The following PUM2 variants were observed in gnomAD, a reference collection of about 807,000 sequenced individuals.
PUM2 encodes the protein pumilio RNA binding family member 2, also known as pumilio homolog 2.
In PUM2, 57 loss-of-function variants were observed where a neutral mutation model predicts 124.5. The observed-to-expected ratio is 0.46, with a 90% CI of 0.37 to 0.57. PUM2 has a LOEUF of 0.57. Among genes scored for constraint, PUM2 ranks in the 20% least tolerant of loss-of-function variants. The pLI, the probability that PUM2 is intolerant of heterozygous loss-of-function variation, is 0.00. For synonymous variants in PUM2, 460 were observed against 446.1 expected (o/e 1.03, Z -0.39); for missense variants, 1,065 against 1,290.6 (o/e 0.83, Z 2.68).
At chr2:20,338,900 T>C (rs776377826) in intron 1 of PUM2, among the ~76,000 whole-genome samples, 2 of 152,232 alleles carry the variant, frequency 1.3e-5, no homozygotes, top group Non-Finnish European at 2.9e-5. Context: ...ATTTTTACAT[T>C]ACATTTTATA....
intron 1 of PUM2, among the ~76,000 whole-genome samples, chr2:20,344,663 G>A (rs1008015950): frequency 9.2e-5 from 14 of 152,032 alleles, no homozygotes; most frequent in African/African-American, 1.2e-4. Flanking sequence ...CACCCATCTC[G>A]GGACTAAATT....
At chr2:20,315,192 T>C (rs1174222842) in intron 3 of PUM2, among the ~76,000 whole-genome samples, 1 of 151,772 alleles carries the variant, frequency 6.6e-6, no homozygotes, top group Admixed American at 6.6e-5. Flanking sequence ...GAAGTGATAT[T>C]TCAGCTGATA....
In PUM2 at chr2:20,350,828, G is replaced by A. The variant is rs1257173189; in HGVS notation, c.-250C>T. The A allele has an allele frequency of 4.1e-6, 4 of 974,846 alleles. No homozygotes were observed. The highest frequency in any genetic ancestry group is 4.8e-5 in the South Asian group (1 of 20,836). 60.4% of individuals were successfully genotyped at this position (974,846 alleles called of 1,614,324 possible). On this transcript the variant is annotated 5_prime_UTR_variant, in exon 1 of 21. Transcript: ENST00000361078. Reference sequence around the variant, plus strand: ...GACTCACAACAACATGGCTGCCACCGCCGCCTGCCCTCCCCTCCCCCCCGC... The same window carrying A: ...GACTCACAACAACATGGCTGCCACCACCGCCTGCCCTCCCCTCCCCCCCGC...
chr2:20,283,780 G>GA lies in PUM2; in HGVS notation c.1292-295dup, dbSNP rs951381516. Among the ~76,000 whole-genome samples the GA allele has an allele frequency of 9.2e-4, 137 of 148,702 alleles. 1 individual carries two copies. Among genetic ancestry groups the GA allele is most frequent in the African/African-American group, 2.2e-3 (91 of 40,602 alleles). ...GGCTATGAAGGAAGGGCTGATATTAGAAAAAAAAAATCACCATTTAGCCCT... is the reference window on the plus strand; with the variant it reads ...GGCTATGAAGGAAGGGCTGATATTAGAAAAAAAAAAATCACCATTTAGCCCT... On this transcript the variant is annotated intron_variant, in intron 10 of 20. Coordinates refer to ENST00000361078, the MANE Select transcript of PUM2 (RefSeq NM_015317.5).
intron 8 of PUM2, 141 bp from the exon 9 acceptor site, chr2:20,294,659 T>G (rs563965689): frequency 1.0e-6 from 1 of 1,003,270 alleles, no homozygotes; most frequent in Non-Finnish European, 1.4e-6. Context: ...AGACAAAGTA[T>G]TGATGGGTGA....
Position 20,254,853 on chromosome 2 carries a change from A to G in PUM2, c.2870+10T>C, listed in dbSNP as rs960605225. The stretch of plus-strand genomic sequence containing the variant: ...GAATTGACCCTTAAAATTACAAAGT[A>G]TTACAATACCTGGCAAATTTGTGTT... On this transcript the variant is annotated intron_variant, in intron 19 of 20. Coordinates refer to ENST00000361078, the MANE Select transcript of PUM2 (RefSeq NM_015317.5). 1 of 1,611,808 alleles carries G rather than the reference A, an allele frequency of 6.2e-7. No homozygotes were observed. Among genetic ancestry groups the G allele is most frequent in the Middle Eastern group, 1.7e-4 (1 of 6,052 alleles).
At chr2:20,303,441 T>TA (rs1481121240) in intron 7 of PUM2, among the ~76,000 whole-genome samples, 1 of 151,324 alleles carries the variant, frequency 6.6e-6, no homozygotes, top group Non-Finnish European at 1.5e-5. Flanking sequence ...TCAAGTTTTT[T>TA]TTTTTTTTTT....
At chr2:20,295,807 A>G (rs1165849600) in intron 8 of PUM2, among the ~76,000 whole-genome samples, 1 of 152,234 alleles carries the variant, frequency 6.6e-6, no homozygotes, top group African/African-American at 2.4e-5. Flanking sequence ...GACAAATTAA[A>G]GAGTATTATT....
rs751465614 is a variant in PUM2, at chr2:20,283,070, A to G, written c.1597T>C (p.Ser533Pro). The change falls in exon 12 of 21, where the codon TCC (serine) becomes CCC (proline). Residue 533 changes from serine to proline, a missense_variant. Ser to Pro is a moderately conservative substitution (Grantham distance 74). This residue lies in a region of PUM2 where 968 missense variants were observed against 1,159.8 expected (regional missense o/e 0.83). Coordinates refer to ENST00000361078, the MANE Select transcript of PUM2 (RefSeq NM_015317.5). ...TGAGAAAATAAAGAACTACTCTGGG[A>G]GCTATTAGTCAAAGAACTGCTTCCA... is the stretch of plus-strand genomic sequence containing the variant. ...FYGSSSLTNS[S>P]QSSSLFSHGP... The G allele has an allele frequency of 6.2e-7, 1 of 1,614,072 alleles. No individual in the cohort carries two copies. The highest frequency in any genetic ancestry group is 1.1e-5 in the South Asian group (1 of 91,074).
chr2:20,262,204 C>T (rs1441608335), intron 14 of PUM2, among the ~76,000 whole-genome samples: 3 of 152,184 alleles, frequency 2.0e-5, no homozygotes, highest in Admixed American at 6.5e-5. Context: ...GAGGAGTGTA[C>T]AGTAATGTCC....
intron 10 of PUM2, among the ~76,000 whole-genome samples, chr2:20,290,065 CAAA>C (rs1181036497): frequency 1.3e-5 from 2 of 152,122 alleles, no homozygotes; most frequent in African/African-American, 4.8e-5. Flanking sequence ...GATCATTTCA[CAAA>C]AAAGTACTTT....
chr2:20,284,929 T>A (rs913468106), intron 10 of PUM2, among the ~76,000 whole-genome samples: 41 of 152,246 alleles, frequency 2.7e-4, no homozygotes, highest in African/African-American at 8.7e-4. Flanking sequence ...ACATTACTAG[T>A]AAATTTCAAA....
intron 2 of PUM2, among the ~76,000 whole-genome samples, chr2:20,325,827 T>C (rs1448940175): frequency 6.6e-6 from 1 of 152,192 alleles, no homozygotes; most frequent in East Asian, 1.9e-4. Context: ...TTCACCGTAT[T>C]AGCCAGGATG....
chr2:20,295,587 T>TA (rs1675328153), intron 8 of PUM2, among the ~76,000 whole-genome samples: 1 of 151,562 alleles, frequency 6.6e-6, no homozygotes. Flanking sequence ...GTAAAAATAA[T>TA]AAAAAGGGTA....
chr2:20,350,747 T>TCCTTCTCCTCCC lies in PUM2; in HGVS notation c.-181_-170dup. ...CACCCTCCCCCCCCACCCCACCTCCTCCTTCTCCTCCCCCTCCTCCTCCGA... is the reference window on the plus strand; with the variant it reads ...CACCCTCCCCCCCCACCCCACCTCCTCCTTCTCCTCCCCCTTCTCCTCCCCCTCCTCCTCCGA... On this transcript the variant is annotated 5_prime_UTR_variant, in exon 1 of 21. Coordinates refer to ENST00000361078, the MANE Select transcript of PUM2 (RefSeq NM_015317.5). The TCCTTCTCCTCCC allele has an allele frequency of 1.7e-6, 1 of 604,086 alleles. No homozygotes were observed. The highest frequency in any genetic ancestry group is 1.8e-6 in the Non-Finnish European group (1 of 545,420). The allele number at this position is 604,086 out of a possible 1,614,324, so 37.4% of individuals were successfully genotyped here.
intron 2 of PUM2, among the ~76,000 whole-genome samples, chr2:20,324,008 C>A (rs1683066912): frequency 6.6e-6 from 1 of 150,414 alleles, no homozygotes; most frequent in African/African-American, 2.4e-5. Context: ...TGATAGTCTT[C>A]CTATTACAGT....
At chr2:20,318,708 G>T in intron 2 of PUM2, 63 bp from the exon 3 acceptor site, 2 of 1,185,396 alleles carry the variant, frequency 1.7e-6, no homozygotes, top group Non-Finnish European at 2.5e-6. Flanking sequence ...TATATAAGAA[G>T]TCTCAAACAT....
rs530342849 is a variant in PUM2 at position 20,336,862 on chromosome 2, T to C, written c.-18-9484A>G. The stretch of plus-strand genomic sequence containing the variant: ...ATCTGGAACTCGTGAGTTCAAGTAA[T>C]CCTTCCACCTCGGCCTCCCAAAGTG... On this transcript the variant is annotated intron_variant, in intron 1 of 20. Coordinates refer to ENST00000361078, the MANE Select transcript of PUM2 (RefSeq NM_015317.5). Among the ~76,000 whole-genome samples, 226 of 151,414 alleles carry C rather than the reference T, an allele frequency of 1.5e-3. 2 individuals are homozygous for C. The highest frequency in any genetic ancestry group is 0.014 in the South Asian group (66 of 4,792).
At chr2:20,306,898 T>C (rs1055471589) in intron 7 of PUM2, among the ~76,000 whole-genome samples, 2 of 150,892 alleles carry the variant, frequency 1.3e-5, no homozygotes, top group African/African-American at 4.9e-5. Flanking sequence ...GGCGCCACTG[T>C]GCAGCCTGAC....
Sources: gnomAD v4.1 joint callset for allele counts (sites outside exome capture counted in the v4.1 genomes callset) on GRCh38, gnomAD v4.1.1 for gene constraint, gnomAD v4.1.1 regional missense constraint, MANE v1.5 for transcripts, NCBI Gene and HGNC (gene_info 2026-07-23, HGNC 2026-07-21) for gene names.